The following DICER1 variants were observed in gnomAD, a reference collection of about 807,000 sequenced individuals.
DICER1 encodes the protein endoribonuclease Dicer.
A neutral mutation model predicts 194.1 loss-of-function variants in DICER1; 43 were observed. The observed-to-expected ratio is 0.22, with a 90% CI of 0.17 to 0.29. The LOEUF (loss-of-function observed/expected upper bound fraction) is 0.29. DICER1 is among the 10% of genes least tolerant of loss of function. The pLI is 1.00. For missense variants in DICER1, 1,608 were observed against 2,317.0 expected (o/e 0.69, Z 6.28); for synonymous variants, 832 against 820.5 (o/e 1.01, Z -0.24).
chr14:95,157,774 G>C (rs981450677), upstream of DICER1: 3 of 152,318 alleles, frequency 2.0e-5, no homozygotes, highest in Non-Finnish European at 4.4e-5. Flanking sequence ...GAACCCGCGC[G>C]CCGAGGCCGG....
At chr14:95,095,740 T>G (rs755754420) in intron 23 of DICER1, 85 bp downstream of exon 23, 3 of 1,402,202 alleles carry the variant, frequency 2.1e-6, no homozygotes, top group East Asian at 4.7e-5. Flanking sequence ...TGTACATGCA[T>G]AGATCACTTT....
intron 2 of DICER1, 125 bp downstream of exon 2, chr14:95,133,190 G>A (rs1323512872): frequency 1.1e-6 from 1 of 939,190 alleles, no homozygotes; most frequent in Non-Finnish European, 1.7e-6. Flanking sequence ...TATTTTAAAT[G>A]AGAAAATTAA....
chr14:95,101,650 G>A (rs1475071961), intron 21 of DICER1, among the ~76,000 whole-genome samples: 2 of 152,192 alleles, frequency 1.3e-5, no homozygotes, highest in South Asian at 2.1e-4. Context: ...GCCAGTTTAC[G>A]TGGTTGTTAT....
At chr14:95,131,483 A>C (rs1377492744) in intron 4 of DICER1, 26 bp downstream of exon 4, 1 of 1,608,092 alleles carries the variant, frequency 6.2e-7, no homozygotes, top group Non-Finnish European at 8.5e-7. Context: ...GGGATTTATA[A>C]AGTGAAATTT....
rs531426984 is a variant in DICER1, at chr14:95,103,256, G to A, written c.4050+90C>T. ...GTGTAGCAATTTCTGAGCATGATAC[G>A]TTCTCATCCTCTGAGATTATCCAAC... On this transcript the variant is annotated intron_variant, in intron 21 of 26. Transcript: ENST00000343455. 1.6e-3 allele frequency: 2,205 copies of A among 1,370,696 alleles called. 63 individuals are homozygous for A. The South Asian group carries it at 0.024, about 15-fold the overall frequency. 84.9% of individuals were successfully genotyped at this position (1,370,696 alleles called of 1,614,324 possible). A position where few individuals can be genotyped will look rare whatever the true frequency, so the allele number is the denominator to read the frequency against.
intron 24 of DICER1, among the ~76,000 whole-genome samples, chr14:95,092,497 C>T (rs1436982360): frequency 6.6e-6 from 1 of 152,106 alleles, no homozygotes; most frequent in Non-Finnish European, 1.5e-5. Flanking sequence ...ATTTATACTG[C>T]TGATTACTTA....
At chr14:95,132,354 A>G (rs184372576) in intron 3 of DICER1, among the ~76,000 whole-genome samples, 161 bp downstream of exon 3, 1 of 152,208 alleles carries the variant, frequency 6.6e-6, no homozygotes, top group African/African-American at 2.4e-5. Flanking sequence ...AAACAGCAAA[A>G]AGAAATAGGA....
chr14:95,096,468 G>A lies in DICER1; in HGVS notation c.4452C>T (p.Pro1484=). The change falls in exon 23 of 27, where the codon CCC becomes CCT. Residue 1484 remains proline (P), a synonymous_variant. Coordinates refer to ENST00000343455, the MANE Select transcript of DICER1 (RefSeq NM_177438.3). ...GCATACTACCTAAGGAGGATTTTTT[G>A]GGCATTTTCCATTCATATGCAGAAT... The part of the protein sequence containing the change: ...TTDSAYEWKM[P]KKSSLGSMPF... 1 of 1,614,086 alleles carries A rather than the reference G, an allele frequency of 6.2e-7. No individual in the cohort carries two copies. The highest frequency in any genetic ancestry group is 1.3e-5 in the African/African-American group (1 of 75,016).
chr14:95,127,419 T>C (rs1893569653), intron 6 of DICER1, among the ~76,000 whole-genome samples: 1 of 152,240 alleles, frequency 6.6e-6, no homozygotes, highest in African/African-American at 2.4e-5. Flanking sequence ...TGAACTGTTT[T>C]GGATTTCCAA....
intron 4 of DICER1, 76 bp from the exon 5 acceptor site, chr14:95,130,268 A>G: frequency 7.1e-7 from 1 of 1,413,662 alleles, no homozygotes; most frequent in Non-Finnish European, 9.9e-7. Flanking sequence ...CAGATCATAG[A>G]GCCATTGTAT....
intron 1 of DICER1, among the ~76,000 whole-genome samples, chr14:95,138,853 A>T (rs975490950): frequency 2.7e-5 from 4 of 149,636 alleles, no homozygotes; most frequent in South Asian, 4.3e-4. Flanking sequence ...GCATTGGGAG[A>T]TATACCTAAT....
rs753921399 is a variant in DICER1, at chr14:95,130,030, A to AAG, written c.573+27_573+28insCT. 16 of 1,608,362 alleles carry AAG rather than the reference A, an allele frequency of 9.9e-6. No homozygotes were observed. The South Asian group carries it at 1.8e-4, about 18-fold the overall frequency. The stretch of plus-strand genomic sequence containing the variant: ...GCATTTACTCAATAGTTTACCAAGA[A>AAG]TTACTAAGACTTAGGTCTAAAACTT... On this transcript the variant is annotated intron_variant, in intron 5 of 26. Coordinates refer to ENST00000343455, the MANE Select transcript of DICER1 (RefSeq NM_177438.3).
chr14:95,087,697 T>A lies in DICER1; in HGVS notation c.*2801A>T, dbSNP rs186384308. ...GGAAAGCATATTATAAAAGAAATTT[T>A]AAAAAATTTACAAATGAAGGTTCAT... On this transcript the variant is annotated 3_prime_UTR_variant, in exon 27 of 27. Transcript: ENST00000343455. 63 of 233,232 alleles carry A rather than the reference T, an allele frequency of 2.7e-4. No individual in the cohort carries two copies. Among genetic ancestry groups the A allele is most frequent in the African/African-American group, 1.3e-3 (57 of 45,470 alleles). 14.4% of individuals were successfully genotyped at this position (233,232 alleles called of 1,614,324 possible).
At chr14:95,106,392 AT>A (rs1364857769) in intron 17 of DICER1, among the ~76,000 whole-genome samples, 169 bp from the exon 18 acceptor site, 1 of 152,154 alleles carries the variant, frequency 6.6e-6, no homozygotes, top group African/African-American at 2.4e-5. Context: ...TAAGAACTGT[AT>A]TTTTATCAAG....
chr14:95,149,338 G>C (rs894390252), intron 1 of DICER1, among the ~76,000 whole-genome samples: 20 of 152,210 alleles, frequency 1.3e-4, no homozygotes, highest in African/African-American at 4.8e-4. Context: ...AGGCAAGAGT[G>C]TGACGCACTA....
At chr14:95,131,764 T>C in intron 3 of DICER1, 125 bp from the exon 4 acceptor site, 8 of 941,688 alleles carry the variant, frequency 8.5e-6, no homozygotes, top group South Asian at 2.7e-5. Context: ...AACAATGTTT[T>C]TGATAGCCTC....
chr14:95,156,264 C>T (rs2140500161), intron 1 of DICER1, among the ~76,000 whole-genome samples: 1 of 152,322 alleles, frequency 6.6e-6, no homozygotes, highest in East Asian at 1.9e-4. Context: ...TCAGAATATT[C>T]GAAGACAGAA....
chr14:95,113,839 G>A (rs900223709), intron 11 of DICER1, among the ~76,000 whole-genome samples: 1 of 152,224 alleles, frequency 6.6e-6, no homozygotes, highest in Non-Finnish European at 1.5e-5. Context: ...GCCCTGTGAG[G>A]TTGCGACCTG....
chr14:95,090,666 G>A lies in DICER1; in HGVS notation c.5604-3C>T, dbSNP rs1889714961. ...CGTCGTAAGTTCTCTCAGCCGGGCT[G>A]TAAAAAATCCAAACAGCTTGAATTA... On this transcript the variant is annotated splice_region_variant and splice_polypyrimidine_tract_variant and intron_variant, in intron 26 of 26. Transcript: ENST00000343455. 1 of 1,614,094 alleles carries A rather than the reference G, an allele frequency of 6.2e-7. No individual in the cohort carries two copies. The highest frequency in any genetic ancestry group is 1.3e-5 in the African/African-American group (1 of 75,034).
Sources: gnomAD v4.1 joint callset for allele counts (sites outside exome capture counted in the v4.1 genomes callset) on GRCh38, gnomAD v4.1.1 for gene constraint, MANE v1.5 for transcripts, NCBI Gene and HGNC (gene_info 2026-07-23, HGNC 2026-07-21) for gene names.